DCUN1D4: variants seen among roughly 807,000 people sequenced by gnomAD.
The protein encoded by DCUN1D4 is DCN1-like protein 4.
A neutral mutation model predicts 47.9 loss-of-function variants in DCUN1D4; 22 were observed. That is an observed-to-expected ratio of 0.46 (90% CI 0.33 to 0.66). The LOEUF (loss-of-function observed/expected upper bound fraction) is 0.66, where lower values mean the gene tolerates loss of function less well. Ranked by LOEUF, DCUN1D4 falls within the 30% of genes least tolerant of loss-of-function variation. The probability of loss-of-function intolerance (pLI) is 0.02; values close to 1 mark genes in which losing one functional copy is unlikely to be tolerated. For missense variants in DCUN1D4, 301 were observed against 340.8 expected (o/e 0.88, Z 0.92); for synonymous variants, 121 against 112.2 (o/e 1.08, Z -0.50).
At chr4:51,843,586 A>C in intron 1 of DCUN1D4, 2 of 974,654 alleles carry the variant, frequency 2.1e-6, no homozygotes, top group East Asian at 1.4e-4. Flanking sequence ...TCCGGGGTGC[A>C]TGGAGGTGGA....
upstream of DCUN1D4, among the ~76,000 whole-genome samples, chr4:51,842,625 G>C (rs1721779439): frequency 6.6e-6 from 1 of 152,248 alleles, no homozygotes; most frequent in African/African-American, 2.4e-5. Context: ...AACTGGACAA[G>C]TGTCGTGGGA....
In DCUN1D4 at chr4:51,883,533, G is replaced by A. The variant is rs144983448; in HGVS notation, c.344-3035G>A. The stretch of plus-strand genomic sequence containing the variant: ...CGTATTTGAGTCAAGAATGAGATAA[G>A]AATGTCCACTCTCACTACTCTTACT... On this transcript the variant is annotated intron_variant, in intron 5 of 10. Transcript: ENST00000334635. Among the ~76,000 whole-genome samples, 1,141 of 152,350 alleles carry A rather than the reference G, an allele frequency of 7.5e-3. 5 individuals carry two copies. The highest frequency in any genetic ancestry group is 0.012 in the Admixed American group (183 of 15,308).
Position 51,913,558 on chromosome 4 carries a change from T to A in DCUN1D4, c.853T>A (p.Trp285Arg). The A allele has an allele frequency of 6.2e-7, 1 of 1,612,882 alleles. No individual in the cohort carries two copies. The change falls in exon 11 of 11, where the codon TGG (tryptophan) becomes AGG (arginine). Residue 285 changes from tryptophan (W) to arginine (R), a missense_variant. Trp to Arg is a moderately radical substitution (Grantham distance 101, BLOSUM62 -3). Transcript: ENST00000334635. ...WPVLLDEFVE[W>R]YKDKQMS ...AGTTTTGTTGGACGAGTTTGTGGAG[T>A]GGTATAAAGACAAACAGATGTCCTA...
rs1349852691 is a variant in DCUN1D4 at position 51,844,301 on chromosome 4, G to T, written c.25+1034G>T. On this transcript the variant is annotated intron_variant, in intron 1 of 10. Transcript: ENST00000334635. ...TGAAGGGGGGAGTCCAAGCTTCGGG[G>T]TGCGGAGAGAGGAGGGGGCGGGGCT... is the stretch of plus-strand genomic sequence containing the variant. 3 of 982,612 alleles carry T rather than the reference G, an allele frequency of 3.1e-6. No individual in the cohort carries two copies. The African/African-American group carries it at 5.3e-5, about 17-fold the overall frequency. 60.9% of individuals were successfully genotyped at this position (982,612 alleles called of 1,614,324 possible).
intron 5 of DCUN1D4, among the ~76,000 whole-genome samples, chr4:51,881,584 A>G (rs1728626424): frequency 6.6e-6 from 1 of 151,068 alleles, no homozygotes; most frequent in Non-Finnish European, 1.5e-5. Flanking sequence ...TATTGTCAGT[A>G]TATCAGCCTT....
chr4:51,845,052 C>T (rs1038829745), intron 1 of DCUN1D4: 30 of 985,402 alleles, frequency 3.0e-5, no homozygotes, highest in Non-Finnish European at 3.6e-5. Context: ...GAATTTCCCC[C>T]TGCATTTTGT....
intron 9 of DCUN1D4, 129 bp from the exon 10 acceptor site, chr4:51,913,161 C>T: frequency 1.8e-6 from 1 of 566,076 alleles, no homozygotes; most frequent in East Asian, 3.0e-5. Flanking sequence ...TAGATTGGTG[C>T]TTAACAAACC....
rs1027841213 is a variant in DCUN1D4 at position 51,847,150 on chromosome 4, T to TG, written c.25+3885dup. Among the ~76,000 whole-genome samples, 81 of 152,306 alleles carry TG rather than the reference T, an allele frequency of 5.3e-4. 3 individuals carry two copies. Among genetic ancestry groups the TG allele is most frequent in the Admixed American group, 4.8e-3 (73 of 15,300 alleles). ...GAAGGGTGAGAAGAATGCGCTGGGT[T>TG]GGCAACTTGCAGGTTATATCCCTGA... is the stretch of plus-strand genomic sequence containing the variant. On this transcript the variant is annotated intron_variant, in intron 1 of 10. Coordinates refer to ENST00000334635, the MANE Select transcript of DCUN1D4 (RefSeq NM_001040402.3).
chr4:51,899,111 A>G (rs531033810), intron 7 of DCUN1D4, among the ~76,000 whole-genome samples, 159 bp from the exon 8 acceptor site: 7 of 152,340 alleles, frequency 4.6e-5, no homozygotes, highest in South Asian at 2.1e-4. Flanking sequence ...TTTTCTGTAC[A>G]TTTAAAATTT....
Position 51,877,695 on chromosome 4 carries a change from TA to T in DCUN1D4, c.252-65del, listed in dbSNP as rs1202699933. On this transcript the variant is annotated intron_variant, in intron 4 of 10. Transcript: ENST00000334635. ...GATGTCTGGTTTGGGTAAAAGAATA[TA>T]AATTATCTGCTACTTTAAAGAACTC... 3.1e-6 allele frequency: 3 copies of T among 957,362 alleles called. No homozygotes were observed. The African/African-American group carries it at 4.9e-5, about 16-fold the overall frequency. The allele number at this position is 957,362 out of a possible 1,614,324, so 59.3% of individuals were successfully genotyped here. A position where few individuals can be genotyped will look rare whatever the true frequency, so the allele number is the denominator to read the frequency against.
chr4:51,877,653 A>G (rs1176884450), intron 4 of DCUN1D4, 110 bp from the exon 5 acceptor site: 6 of 701,326 alleles, frequency 8.6e-6, no homozygotes, highest in Non-Finnish European at 1.4e-5. Context: ...AAATATACTT[A>G]AAATACTGAT....
upstream of DCUN1D4, chr4:51,842,975 G>A (rs1249143440): frequency 2.8e-6 from 3 of 1,067,538 alleles, no homozygotes; most frequent in African/African-American, 1.7e-5. Flanking sequence ...ACGGAGACAA[G>A]GCCCCAGGAC....
In DCUN1D4 at chr4:51,903,315, G is replaced by A. The variant is rs759306435; in HGVS notation, c.615+3937G>A. Among the ~76,000 whole-genome samples the A allele has an allele frequency of 6.6e-5, 10 of 151,988 alleles. No homozygotes were observed. In the East Asian group the frequency reaches 7.7e-4, roughly 12 times the overall value. On this transcript the variant is annotated intron_variant, in intron 8 of 10. Transcript: ENST00000334635. ...TTCTAGGTTGACACTTTATTCTTTCGGTACTGCAGTAATGTCTCTGCATTG... is the reference window on the plus strand; with the variant it reads ...TTCTAGGTTGACACTTTATTCTTTCAGTACTGCAGTAATGTCTCTGCATTG...
In DCUN1D4 at chr4:51,908,596, T is replaced by A. The variant is rs1039735388; in HGVS notation, c.616-2474T>A. 3.9e-5 allele frequency among the ~76,000 whole-genome samples: 6 copies of A among 152,164 alleles called. No homozygotes were observed. In the East Asian group the frequency reaches 9.7e-4, roughly 24 times the overall value. On this transcript the variant is annotated intron_variant, in intron 8 of 10. Transcript: ENST00000334635. ...ACTCCTTGAATTTGTTACGGTGATT[T>A]TTTTTTTTTAAATGCCTATAAAGTT...
chr4:51,860,650 G>A (rs950138082), intron 1 of DCUN1D4: 5 of 454,778 alleles, frequency 1.1e-5, no homozygotes, highest in Admixed American at 2.4e-5. Context: ...AAGCAGGAGC[G>A]AGAGAGAGAA....
chr4:51,891,736 T>A (rs1342882802), intron 6 of DCUN1D4, 24 bp from the exon 7 acceptor site: 5 of 1,550,492 alleles, frequency 3.2e-6, no homozygotes, highest in Non-Finnish European at 4.4e-6. Flanking sequence ...TATTTTTTTT[T>A]AATTGTGTAT....
chr4:51,906,265 AAGC>A (rs1732879502), intron 8 of DCUN1D4, among the ~76,000 whole-genome samples: 1 of 152,104 alleles, frequency 6.6e-6, no homozygotes. Flanking sequence ...AGGAAGCTGT[AAGC>A]AGCCACACAG....
At chr4:51,843,000 A>G (rs73138670), upstream of DCUN1D4, 27 of 1,268,222 alleles carry the variant, frequency 2.1e-5, no homozygotes, top group East Asian at 8.1e-4. Flanking sequence ...CGTATTGGCC[A>G]GTGGGGGGCG....
intron 6 of DCUN1D4, chr4:51,887,030 A>G (rs767896027): frequency 2.2e-6 from 1 of 451,116 alleles, no homozygotes; most frequent in Non-Finnish European, 4.4e-6. Flanking sequence ...ATTCATCATG[A>G]TTTTGAGTAG....
Sources: allele counts gnomAD v4.1 joint callset (sites outside exome capture counted in the v4.1 genomes callset), GRCh38; gene constraint gnomAD v4.1.1; transcripts MANE v1.5; gene names NCBI Gene and HGNC (gene_info 2026-07-23, HGNC 2026-07-21).